Variants in AOX1 observed in about 807,000 individuals in gnomAD.
AOX1 encodes the protein aldehyde oxidase 1.
Under a neutral mutation model 169.5 loss-of-function variants are expected in AOX1, and 153 were observed. That is an observed-to-expected ratio of 0.90 (90% CI 0.79 to 1.03). The LOEUF is 1.03. Ranked by LOEUF, AOX1 falls within the 50% of genes least tolerant of loss-of-function variation. The pLI is 0.00. For synonymous variants in AOX1, 562 were observed against 581.9 expected (o/e 0.97, Z 0.49); for missense variants, 1,656 against 1,663.9 (o/e 1.00, Z 0.08).
chr2:200,620,280 C>T (rs1348891002), intron 16 of AOX1, among the ~76,000 whole-genome samples: 5 of 150,874 alleles, frequency 3.3e-5, no homozygotes, highest in Admixed American at 2.0e-4. Context: ...CTCGCTGCAA[C>T]CTCTGCCTCC....
chr2:200,641,494 CT>C (rs1427121100), intron 24 of AOX1, among the ~76,000 whole-genome samples: 8 of 152,020 alleles, frequency 5.3e-5, no homozygotes. Context: ...ATGGTGGGGA[CT>C]ATCCTGCTCA....
At chr2:200,614,114 C>A in intron 15 of AOX1, 148 bp downstream of exon 15, 1 of 751,686 alleles carries the variant, frequency 1.3e-6, no homozygotes, top group Non-Finnish European at 2.1e-6. Flanking sequence ...ATCCCTCAGC[C>A]TGTCTGTGGG....
chr2:200,664,466 G>A (rs115831763), intron 31 of AOX1, among the ~76,000 whole-genome samples: 97 of 152,344 alleles, frequency 6.4e-4, no homozygotes, highest in African/African-American at 2.3e-3. Context: ...CAAAGCAAAA[G>A]TTGGTGAAAA....
chr2:200,669,828 A>G (rs763340626), intron 34 of AOX1, 86 bp downstream of exon 34: 22 of 1,417,084 alleles, frequency 1.6e-5, no homozygotes, highest in African/African-American at 2.8e-5. Flanking sequence ...TCGTGAACGC[A>G]CTGCTGTGGC....
chr2:200,637,053 A>T lies in AOX1; in HGVS notation c.2480+9A>T, dbSNP rs373509469. The T allele has an allele frequency of 2.5e-6, 4 of 1,613,616 alleles. No homozygotes were observed. Among genetic ancestry groups the T allele is most frequent in the Middle Eastern group, 1.7e-4 (1 of 6,056 alleles). On this transcript the variant is annotated intron_variant, in intron 22 of 34. Coordinates refer to ENST00000374700, the MANE Select transcript of AOX1 (RefSeq NM_001159.4). ...GCATTTGCCGCAAACAAGTAAGTGG[A>T]GAAAATCTGCTAAAAATAAAGTGAA...
chr2:200,668,781 C>T lies in AOX1; in HGVS notation c.3776C>T (p.Ser1259Leu), dbSNP rs2035972888. ...HIALLPPSQN[S>L]NTLYSSKGLG... ...GCTTTGTTGCCTCCTTCTCAAAACT[C>T]AAATACTCTTTATTCATCTAAGGTA... Residue 1259 changes from serine to leucine, a missense_variant, in exon 33 of 35, where the codon TCA becomes TTA. Physicochemically the swap from Ser to Leu is moderately radical, Grantham distance 145 (BLOSUM62 -2). Coordinates refer to ENST00000374700, the MANE Select transcript of AOX1 (RefSeq NM_001159.4). The T allele has an allele frequency of 6.2e-7, 1 of 1,614,020 alleles. No homozygotes were observed. The highest frequency in any genetic ancestry group is 8.5e-7 in the Non-Finnish European group (1 of 1,180,012).
intron 2 of AOX1, among the ~76,000 whole-genome samples, chr2:200,594,111 G>A (rs1369256452): frequency 6.6e-6 from 1 of 152,212 alleles, no homozygotes; most frequent in Non-Finnish European, 1.5e-5. Context: ...GAAGTAGGGA[G>A]TGAATCAGAG....
At chr2:200,627,228 G>A in intron 19 of AOX1, 125 bp from the exon 20 acceptor site, 1 of 668,396 alleles carries the variant, frequency 1.5e-6, no homozygotes, top group Non-Finnish European at 2.7e-6. Flanking sequence ...CATGGTGAAA[G>A]TGCACGGAAC....
chr2:200,645,926 G>A (rs566083530), intron 25 of AOX1, among the ~76,000 whole-genome samples: 9 of 151,564 alleles, frequency 5.9e-5, no homozygotes, highest in South Asian at 4.2e-4. Flanking sequence ...CTCCTGTTTC[G>A]TTTCTTAGTG....
chr2:200,649,965 G>A (rs954213485), intron 25 of AOX1, among the ~76,000 whole-genome samples: 12 of 152,168 alleles, frequency 7.9e-5, no homozygotes, highest in African/African-American at 1.2e-4. Flanking sequence ...GACCTTCAGC[G>A]GGCAGCTGGC....
At chr2:200,672,070 C>T (rs1187773586), downstream of AOX1, among the ~76,000 whole-genome samples, 1 of 152,108 alleles carries the variant, frequency 6.6e-6, no homozygotes, top group Non-Finnish European at 1.5e-5. Flanking sequence ...TATATGATTC[C>T]ATCTATACAA....
intron 32 of AOX1, among the ~76,000 whole-genome samples, chr2:200,667,037 CATAA>C (rs2035935345): frequency 6.6e-6 from 1 of 152,118 alleles, no homozygotes; most frequent in South Asian, 2.1e-4. Flanking sequence ...ACTTCTGGGA[CATAA>C]ATAGAGTTAG....
intron 1 of AOX1, among the ~76,000 whole-genome samples, chr2:200,592,802 C>G: frequency 6.6e-6 from 1 of 152,270 alleles, no homozygotes; most frequent in Middle Eastern, 3.4e-3. Context: ...TCATCCACTC[C>G]TCCCCCAAGT....
At chr2:200,647,959 C>G (rs1159079862) in intron 25 of AOX1, among the ~76,000 whole-genome samples, 2 of 152,034 alleles carry the variant, frequency 1.3e-5, no homozygotes, top group African/African-American at 4.8e-5. Context: ...TTTCTTTAAG[C>G]TATCCATTTC....
chr2:200,622,247 G>A (rs1489926744), intron 18 of AOX1, among the ~76,000 whole-genome samples: 1 of 152,222 alleles, frequency 6.6e-6, no homozygotes, highest in Non-Finnish European at 1.5e-5. Flanking sequence ...AATTCCTTGA[G>A]TGAGGACCCA....
intron 5 of AOX1, among the ~76,000 whole-genome samples, chr2:200,600,314 G>A (rs1223752848): frequency 6.6e-6 from 1 of 152,136 alleles, no homozygotes; most frequent in African/African-American, 2.4e-5. Flanking sequence ...CTACTGGGTG[G>A]TGGGTGCTTT....
chr2:200,673,836 T>C (rs1013380818), downstream of AOX1, among the ~76,000 whole-genome samples: 3 of 152,196 alleles, frequency 2.0e-5, no homozygotes, highest in Non-Finnish European at 4.4e-5. Context: ...CTGTCTGGGT[T>C]TCCTGTTGTA....
intron 19 of AOX1, among the ~76,000 whole-genome samples, chr2:200,625,453 A>G (rs1302517748): frequency 6.6e-6 from 1 of 152,162 alleles, no homozygotes; most frequent in Admixed American, 6.5e-5. Flanking sequence ...TTCAACCAGC[A>G]GACTCGTGAT....
At chr2:200,611,165 T>C (rs1426659210) in intron 12 of AOX1, among the ~76,000 whole-genome samples, 1 of 152,170 alleles carries the variant, frequency 6.6e-6, no homozygotes, top group Non-Finnish European at 1.5e-5. Context: ...GATGTTTTTA[T>C]CGATGAGAAA....
Sources: gnomAD v4.1 joint callset for allele counts (sites outside exome capture counted in the v4.1 genomes callset) on GRCh38, gnomAD v4.1.1 for gene constraint, MANE v1.5 for transcripts, NCBI Gene and HGNC (gene_info 2026-07-23, HGNC 2026-07-21) for gene names.